The following ARHGAP6 variants were observed in gnomAD, a reference collection of about 807,000 sequenced individuals.
ARHGAP6 encodes Rho GTPase activating protein 6.
Under a neutral mutation model 55.7 loss-of-function variants are expected in ARHGAP6, and 16 were observed. That is an observed-to-expected ratio of 0.29 (90% CI 0.19 to 0.44). The LOEUF is 0.44. Ranked by LOEUF, ARHGAP6 falls within the 20% of genes least tolerant of loss-of-function variation. The pLI is 1.00. For synonymous variants in ARHGAP6, 382 were observed against 360.9 expected, an observed-to-expected ratio of 1.06 and a Z score of -0.66; for missense variants, 698 against 808.9, an observed-to-expected ratio of 0.86 and a Z score of 1.66.
chrX:11,492,661 G>T (rs145952913), intron 1 of ARHGAP6, among the ~76,000 whole-genome samples: 7,961 of 111,552 alleles, frequency 0.071, 332 homozygotes, highest in East Asian at 0.18. Context: ...CATGGACAAT[G>T]TTGAAGGTAA....
At chrX:11,363,208 A>G (rs762499764) in intron 1 of ARHGAP6, among the ~76,000 whole-genome samples, 1 of 112,127 alleles carries the variant, frequency 8.9e-6, no homozygotes, top group African/African-American at 3.2e-5. Context: ...TGAAACTTCT[A>G]GAGTCAGCAC....
intron 1 of ARHGAP6, among the ~76,000 whole-genome samples, chrX:11,550,591 A>G (rs1294435050): frequency 8.9e-6 from 1 of 111,865 alleles, no homozygotes; most frequent in Non-Finnish European, 1.9e-5. Context: ...TTGGAGCTCT[A>G]GTAGGTAGGT....
At chrX:11,440,386 C>T (rs1343229452) in intron 1 of ARHGAP6, among the ~76,000 whole-genome samples, 5 of 112,412 alleles carry the variant, frequency 4.4e-5, no homozygotes, top group African/African-American at 1.6e-4. Context: ...TGCAGCCATC[C>T]TTCTACTCAA....
At chrX:11,235,305 G>C (rs773192434) in intron 2 of ARHGAP6, among the ~76,000 whole-genome samples, 2 of 113,147 alleles carry the variant, frequency 1.8e-5, no homozygotes, top group African/African-American at 6.4e-5. Context: ...GCCCCTTGTA[G>C]CCACAGCTGG....
chrX:11,518,451 C>CA (rs1236677146), intron 1 of ARHGAP6, among the ~76,000 whole-genome samples: 1 of 81,683 alleles, frequency 1.2e-5, no homozygotes, highest in Non-Finnish European at 2.4e-5. Context: ...GCCCAATTTT[C>CA]TTTTTTTTTT....
In ARHGAP6 at chrX:11,425,278, C is replaced by A. The variant is rs762303847; in HGVS notation, c.589-170571G>T. Among the ~76,000 whole-genome samples the A allele has an allele frequency of 2.9e-4, 32 of 111,967 alleles. No individual in the cohort carries two copies. In the South Asian group the frequency reaches 0.012, roughly 42 times the overall value. On this transcript the variant is annotated intron_variant, in intron 1 of 12. Transcript: ENST00000337414. ...CAGGAAAATGCACAGTGGGACAAAA[C>A]CCTGTTGAGCAAAGTAAGTGGAATA...
chrX:11,558,280 T>C (rs984343620), intron 1 of ARHGAP6, among the ~76,000 whole-genome samples: 2 of 111,861 alleles, frequency 1.8e-5, no homozygotes, highest in Non-Finnish European at 3.8e-5. Context: ...AGAGCCCTTG[T>C]GCTGAGTGAG....
intron 1 of ARHGAP6, among the ~76,000 whole-genome samples, chrX:11,640,615 T>C (rs988500552): frequency 1.8e-5 from 2 of 111,745 alleles, no homozygotes; most frequent in African/African-American, 6.5e-5. Context: ...GGGACTCCTG[T>C]CATAATTTCA....
chrX:11,556,786 T>C (rs2051323841), intron 1 of ARHGAP6, among the ~76,000 whole-genome samples: 1 of 112,003 alleles, frequency 8.9e-6, no homozygotes, highest in Admixed American at 9.5e-5. Flanking sequence ...TTCAGAGCCT[T>C]TGGTATTTCT....
chrX:11,596,006 C>T (rs1004623908), intron 1 of ARHGAP6, among the ~76,000 whole-genome samples: 3 of 112,025 alleles, frequency 2.7e-5, no homozygotes, highest in African/African-American at 6.5e-5. Context: ...TTGTGGAAGA[C>T]GGTGTGACGA....
rs192657165 is a variant in ARHGAP6 at position 11,492,295 on chromosome X, T to A, written c.588+171946A>T. ...CATGAAGTCCTTGCCCATGCCTATG[T>A]CCTGAATGGTAAAGACTTAAACGTT... On this transcript the variant is annotated intron_variant, in intron 1 of 12. Coordinates refer to ENST00000337414, the MANE Select transcript of ARHGAP6 (RefSeq NM_013427.3). Among the ~76,000 whole-genome samples, 7 of 111,467 alleles carry A rather than the reference T, an allele frequency of 6.3e-5. No individual in the cohort carries two copies. The East Asian group carries it at 2.0e-3, about 31-fold the overall frequency.
At chrX:11,207,221 G>T (rs2046717803) in intron 2 of ARHGAP6, among the ~76,000 whole-genome samples, 1 of 108,168 alleles carries the variant, frequency 9.2e-6, no homozygotes, top group African/African-American at 3.4e-5. Flanking sequence ...AGATATGGGG[G>T]TCTCACTATG....
chrX:11,448,012 G>A (rs1214782311), intron 1 of ARHGAP6, among the ~76,000 whole-genome samples: 2 of 112,147 alleles, frequency 1.8e-5, no homozygotes, highest in East Asian at 5.6e-4. Flanking sequence ...AGGAAGTTGG[G>A]AATAACCAAG....
chrX:11,483,879 A>G (rs150782800), intron 1 of ARHGAP6, among the ~76,000 whole-genome samples: 7,947 of 111,115 alleles, frequency 0.072, 339 homozygotes, highest in East Asian at 0.18. Context: ...TATTTAGTGG[A>G]AGAAGTTAAA....
At chrX:11,272,347 G>A (rs966131433) in intron 1 of ARHGAP6, among the ~76,000 whole-genome samples, 4 of 111,216 alleles carry the variant, frequency 3.6e-5, no homozygotes, top group Non-Finnish European at 5.7e-5. Flanking sequence ...GTGCAGTCCA[G>A]GTTGAGAACC....
chrX:11,234,325 T>C (rs1376601421), intron 2 of ARHGAP6, among the ~76,000 whole-genome samples: 1 of 112,465 alleles, frequency 8.9e-6, no homozygotes, highest in African/African-American at 3.2e-5. Flanking sequence ...CTCTTGAAAC[T>C]GCTGCAGGGA....
chrX:11,603,425 T>C (rs968461380), intron 1 of ARHGAP6, among the ~76,000 whole-genome samples: 2 of 111,870 alleles, frequency 1.8e-5, no homozygotes, highest in African/African-American at 6.5e-5. Flanking sequence ...CTCTAGAAAG[T>C]GTTTTACCCT....
At chrX:11,599,936 T>A (rs1387062415) in intron 1 of ARHGAP6, among the ~76,000 whole-genome samples, 2 of 112,074 alleles carry the variant, frequency 1.8e-5, no homozygotes, top group African/African-American at 6.5e-5. Flanking sequence ...AAATGTGTGG[T>A]TTCAAAACGA....
At chrX:11,457,659 G>A (rs2050206087) in intron 1 of ARHGAP6, among the ~76,000 whole-genome samples, 1 of 111,494 alleles carries the variant, frequency 9.0e-6, no homozygotes, top group African/African-American at 3.3e-5. Context: ...GCTCCAGGGC[G>A]ATCTCCGGCA....
Sources: allele counts gnomAD v4.1 joint callset (sites outside exome capture counted in the v4.1 genomes callset), GRCh38; gene constraint gnomAD v4.1.1; transcripts MANE v1.5; gene names NCBI Gene and HGNC (gene_info 2026-07-23, HGNC 2026-07-21).